Variants in ANKRD36B observed in about 807,000 individuals in gnomAD.
The protein encoded by ANKRD36B is ankyrin repeat domain 36B, also known as ankyrin repeat domain-containing protein 36B.
Under a neutral mutation model 135.7 loss-of-function variants are expected in ANKRD36B, and 37 were observed. The observed-to-expected ratio is 0.27, with a 90% CI of 0.21 to 0.36. The LOEUF (loss-of-function observed/expected upper bound fraction) is 0.36. Ranked by LOEUF, ANKRD36B falls within the 10% of genes least tolerant of loss-of-function variation. ANKRD36B has a pLI of 1.00. For missense variants in ANKRD36B, 549 were observed against 1,037.1 expected, an observed-to-expected ratio of 0.53 and a Z score of 6.46; for synonymous variants, 179 against 348.1, an observed-to-expected ratio of 0.51 and a Z score of 5.41.
intron 1 of ANKRD36B, among the ~76,000 whole-genome samples, chr2:97,587,708 G>A (rs893481223): frequency 4.5e-4 from 68 of 152,252 alleles, no homozygotes; most frequent in African/African-American, 1.4e-3. Flanking sequence ...TTTACAGTGT[G>A]ATACTTACCA....
rs1203354373 is a variant in ANKRD36B at position 97,541,779 on chromosome 2, T to A, written c.1885+132A>T. ...ACCATCAGGGTCACCCGAGGACTTA[T>A]TACAAATGAAGAATCTCAGGCATGC... On this transcript the variant is annotated intron_variant, in intron 28 of 43. Transcript: ENST00000359901. 1.2e-5 allele frequency: 10 copies of A among 820,118 alleles called. 3 individuals carry two copies. The highest frequency in any genetic ancestry group is 5.3e-5 in the South Asian group (4 of 76,076). 50.8% of individuals were successfully genotyped at this position (820,118 alleles called of 1,614,324 possible).
At chr2:97,554,928 C>T in intron 14 of ANKRD36B, 132 bp downstream of exon 14, 3 of 1,207,108 alleles carry the variant, frequency 2.5e-6, no homozygotes, top group African/African-American at 3.0e-5. Flanking sequence ...GAACTTATTA[C>T]AGATGAAGAA....
At chr2:97,574,989 C>A (rs1213058108) in intron 6 of ANKRD36B, among the ~76,000 whole-genome samples, 3 of 151,958 alleles carry the variant, frequency 2.0e-5, no homozygotes, top group Non-Finnish European at 4.4e-5. Flanking sequence ...CATCAATAGC[C>A]CACATTACAC....
chr2:97,560,272 T>G (rs1166677314), intron 8 of ANKRD36B, among the ~76,000 whole-genome samples: 3 of 151,840 alleles, frequency 2.0e-5, no homozygotes, highest in African/African-American at 7.2e-5. Context: ...GTTTATGGAG[T>G]TATTAGGATC....
intron 5 of ANKRD36B, among the ~76,000 whole-genome samples, chr2:97,577,064 A>C (rs2082281743): frequency 6.6e-6 from 1 of 152,024 alleles, no homozygotes; most frequent in African/African-American, 2.4e-5. Flanking sequence ...ATAATTCATA[A>C]ATAAATTAAT....
intron 6 of ANKRD36B, among the ~76,000 whole-genome samples, chr2:97,569,379 G>C (rs1246971931): frequency 1.3e-5 from 2 of 152,110 alleles, no homozygotes; most frequent in African/African-American, 4.8e-5. Context: ...TCAAAACTAT[G>C]GGGACAGCAA....
Position 97,578,157 on chromosome 2 carries a change from A to G in ANKRD36B, c.695+749T>C, listed in dbSNP as rs201832893. 3.8e-4 allele frequency among the ~76,000 whole-genome samples: 58 copies of G among 152,280 alleles called. No homozygotes were observed. In the East Asian group the frequency reaches 0.011, roughly 29 times the overall value. On this transcript the variant is annotated intron_variant, in intron 5 of 43. Transcript: ENST00000359901. Reference sequence around the variant, plus strand: ...ATTTGCTCCGTATGTGTGTTGATAAAGTTAGAATATCCAGCTAACAGAGCA... The same window carrying G: ...ATTTGCTCCGTATGTGTGTTGATAAGGTTAGAATATCCAGCTAACAGAGCA...
rs1372323178 is a variant in ANKRD36B, at chr2:97,527,597, GAC to G, written c.2266-4132_2266-4131del. Among the ~76,000 whole-genome samples, 5 of 93,900 alleles carry G rather than the reference GAC, an allele frequency of 5.3e-5. 1 individual carries two copies. The highest frequency in any genetic ancestry group is 1.6e-4 in the African/African-American group (5 of 31,204). The allele number at this position is 93,900 out of a possible 152,430, so 61.6% of individuals were successfully genotyped here. ...AATGGACTAAATGCTCCAATTAAAA[GAC>G]ACAGACTGGCAAATTGGATAAAGAG... On this transcript the variant is annotated intron_variant, in intron 35 of 43. Coordinates refer to ENST00000359901, the MANE Select transcript of ANKRD36B (RefSeq NM_001393939.1).
chr2:97,561,949 C>A (rs1217300537), intron 6 of ANKRD36B, among the ~76,000 whole-genome samples: 2 of 151,808 alleles, frequency 1.3e-5, no homozygotes, highest in African/African-American at 4.8e-5. Flanking sequence ...CCTGGAGCAG[C>A]CAAAAATCAA....
rs949509286 is a variant in ANKRD36B at position 97,514,074 on chromosome 2, C to CA, written c.2622-712_2622-711insT. ...TCTCAGGACCTCCTGAGGGCTGTGT[C>CA]GGGGGCCACGGTCACTCATATTTGG... On this transcript the variant is annotated intron_variant, in intron 37 of 43. Coordinates refer to ENST00000359901, the MANE Select transcript of ANKRD36B (RefSeq NM_001393939.1). Among the ~76,000 whole-genome samples the CA allele has an allele frequency of 2.2e-5, 3 of 136,144 alleles. 1 individual carries two copies. Among genetic ancestry groups the CA allele is most frequent in the African/African-American group, 1.1e-4 (3 of 27,664 alleles). 89.3% of individuals were successfully genotyped at this position (136,144 alleles called of 152,430 possible).
chr2:97,583,027 T>C (rs1485582306), intron 3 of ANKRD36B, among the ~76,000 whole-genome samples: 1 of 151,798 alleles, frequency 6.6e-6, no homozygotes, highest in African/African-American at 2.4e-5. Flanking sequence ...AAAAATACAA[T>C]GGCTTATCAA....
intron 28 of ANKRD36B, 150 bp from the exon 29 acceptor site, chr2:97,540,379 T>C: frequency 7.1e-6 from 4 of 559,466 alleles, no homozygotes; most frequent in South Asian, 5.7e-5. Flanking sequence ...GATTGGAACA[T>C]GACAGAAATA....
chr2:97,536,321 C>G lies in ANKRD36B; in HGVS notation c.2170G>C (p.Glu724Gln), dbSNP rs1163212476. The G allele has an allele frequency of 1.6e-5, 15 of 943,156 alleles. 5 individuals carry two copies. The highest frequency in any genetic ancestry group is 3.4e-5 in the African/African-American group (2 of 59,626). 58.4% of individuals were successfully genotyped at this position (943,156 alleles called of 1,614,324 possible). A position where few individuals can be genotyped will look rare whatever the true frequency, so the allele number is the denominator to read the frequency against. Residue 724 changes from glutamate (E) to glutamine (Q), a missense_variant, in exon 34 of 44, where the codon GAG becomes CAG. Coordinates refer to ENST00000359901, the MANE Select transcript of ANKRD36B (RefSeq NM_001393939.1). ...SVLNTATKMK[E>Q]VQTSTPAEQD... The stretch of plus-strand genomic sequence containing the variant: ...TTACCTGGTGTGGATGTTTGTACCT[C>G]CTTCATTTTGGTGGCTGTATTCAGA...
chr2:97,528,421 T>C lies in ANKRD36B; in HGVS notation c.2265+3890A>G, dbSNP rs190359456. 5.3e-5 allele frequency among the ~76,000 whole-genome samples: 5 copies of C among 94,360 alleles called. 2 individuals carry two copies. Among genetic ancestry groups the C allele is most frequent in the Non-Finnish European group, 1.1e-4 (4 of 35,626 alleles). The allele number at this position is 94,360 out of a possible 152,430, so 61.9% of individuals were successfully genotyped here. ...TCAAAGCAGTGTACAGTGGGAAATTTATAGCACTAAATGCCCACAAGAGAA... is the reference window on the plus strand; with the variant it reads ...TCAAAGCAGTGTACAGTGGGAAATTCATAGCACTAAATGCCCACAAGAGAA... On this transcript the variant is annotated intron_variant, in intron 35 of 43. Coordinates refer to ENST00000359901, the MANE Select transcript of ANKRD36B (RefSeq NM_001393939.1).
rs2314838 is a variant in ANKRD36B, at chr2:97,577,084, T to C, written c.696-638A>G. Among the ~76,000 whole-genome samples the C allele has an allele frequency of 6.2e-4, 94 of 152,086 alleles. 1 individual carries two copies. In the East Asian group the frequency reaches 0.016, roughly 26 times the overall value. ...TCATAAATAAATTAATTTATGAATA[T>C]ATTATTTCATTAAAATAGGTAACAC... On this transcript the variant is annotated intron_variant, in intron 5 of 43. Transcript: ENST00000359901.
intron 18 of ANKRD36B, 83 bp downstream of exon 18, chr2:97,551,206 G>C: frequency 3.3e-6 from 5 of 1,505,608 alleles, no homozygotes; most frequent in Non-Finnish European, 4.5e-6. Flanking sequence ...GTGCAGCTTC[G>C]ACCAGCCCCC....
chr2:97,548,490 C>T (rs1421334713), intron 20 of ANKRD36B, among the ~76,000 whole-genome samples: 1 of 151,930 alleles, frequency 6.6e-6, no homozygotes, highest in African/African-American at 2.4e-5. Context: ...AGATACTGAT[C>T]AGTTTCTCTT....
In ANKRD36B at chr2:97,528,761, G is replaced by A. The variant is rs565322633; in HGVS notation, c.2265+3550C>T. 3.1e-5 allele frequency among the ~76,000 whole-genome samples: 3 copies of A among 96,272 alleles called. No homozygotes were observed. In the South Asian group the frequency reaches 7.0e-4, roughly 23 times the overall value. 63.2% of individuals were successfully genotyped at this position (96,272 alleles called of 152,430 possible). A position where few individuals can be genotyped will look rare whatever the true frequency, so the allele number is the denominator to read the frequency against. ...CACAGAAATACAAACTACCATCAGA[G>A]AATACTACAAACACCTCTATGCAAA... On this transcript the variant is annotated intron_variant, in intron 35 of 43. Coordinates refer to ENST00000359901, the MANE Select transcript of ANKRD36B (RefSeq NM_001393939.1).
In ANKRD36B at chr2:97,523,409, G is replaced by A; in HGVS notation, c.2324C>T (p.Thr775Ile). ...AAGCGAGTCACCGTCCTCTGAGACTGTTTGAGATGACTGAATTATGTCATC... is the reference window on the plus strand; with the variant it reads ...AAGCGAGTCACCGTCCTCTGAGACTATTTGAGATGACTGAATTATGTCATC... Reference protein sequence around the residue: ...DLDDIIQSSQTVSEDGDSLCC... With the variant: ...DLDDIIQSSQIVSEDGDSLCC... Residue 775 changes from threonine (T) to isoleucine (I), a missense_variant, in exon 36 of 44, where the codon ACA becomes ATA. By Grantham distance (89) the Thr-to-Ile change is moderately conservative (BLOSUM62 -1). Transcript: ENST00000359901. The A allele has an allele frequency of 1.5e-6, 1 of 669,370 alleles. No individual in the cohort carries two copies. The highest frequency in any genetic ancestry group is 2.3e-6 in the Non-Finnish European group (1 of 429,040). The allele number at this position is 669,370 out of a possible 1,614,324, so 41.5% of individuals were successfully genotyped here. A position where few individuals can be genotyped will look rare whatever the true frequency, so the allele number is the denominator to read the frequency against.
Sources: gnomAD v4.1 joint callset for allele counts (sites outside exome capture counted in the v4.1 genomes callset) on GRCh38, gnomAD v4.1.1 for gene constraint, MANE v1.5 for transcripts, NCBI Gene and HGNC (gene_info 2026-07-23, HGNC 2026-07-21) for gene names.